The following CADPS variants were observed in gnomAD, a reference collection of about 807,000 sequenced individuals.
The protein encoded by CADPS is calcium-dependent secretion activator 1.
In CADPS, 57 loss-of-function variants were observed where a neutral mutation model predicts 167.3. The observed-to-expected ratio is 0.34, with a 90% CI of 0.28 to 0.42. The LOEUF is 0.42. CADPS is among the 20% of genes least tolerant of loss of function. The pLI is 1.00. For synonymous variants in CADPS, 676 were observed against 635.3 expected (o/e 1.06, Z -0.96); for missense variants, 1,414 against 1,738.1 (o/e 0.81, Z 3.32).
intron 1 of CADPS, among the ~76,000 whole-genome samples, chr3:62,806,104 C>A (rs911409060): frequency 6.6e-6 from 1 of 152,056 alleles, no homozygotes; most frequent in Non-Finnish European, 1.5e-5. Flanking sequence ...CTGTGTTCTG[C>A]CAGCTGTGTT....
At chr3:62,492,933 T>G (rs1482433918) in intron 19 of CADPS, among the ~76,000 whole-genome samples, 4 of 152,246 alleles carry the variant, frequency 2.6e-5, no homozygotes, top group African/African-American at 9.6e-5. Flanking sequence ...GAACTCATGT[T>G]TCCCTACACA....
At chr3:62,442,486 T>C (rs1215980803) in intron 27 of CADPS, among the ~76,000 whole-genome samples, 1 of 152,170 alleles carries the variant, frequency 6.6e-6, no homozygotes, top group Non-Finnish European at 1.5e-5. Context: ...CCCAAAGTGC[T>C]GGTATTATAG....
At chr3:62,836,606 C>T (rs545057952) in intron 1 of CADPS, among the ~76,000 whole-genome samples, 3 of 152,252 alleles carry the variant, frequency 2.0e-5, no homozygotes, top group South Asian at 2.1e-4. Flanking sequence ...ATGTGCATCT[C>T]TTGAGCCACA....
chr3:62,405,534 A>C (rs186529978), intron 28 of CADPS, among the ~76,000 whole-genome samples: 1 of 151,956 alleles, frequency 6.6e-6, no homozygotes, highest in Non-Finnish European at 1.5e-5. Flanking sequence ...AATGGCTTCT[A>C]GTAGTAAAAA....
In CADPS at chr3:62,536,558, C is replaced by T; in HGVS notation, c.1990G>A (p.Gly664Ser). Residue 664 changes from glycine to serine, a missense_variant, in exon 12 of 30, where the codon GGC becomes AGC. By Grantham distance (56) the Gly-to-Ser change is moderately conservative. Around this residue, in one of 6 missense-constraint regions of CADPS, gnomAD observed 529 missense variants for 629.6 expected, o/e 0.84. Transcript: ENST00000383710. ...QFYADRAQKH[G>S]MDEFISSNPC... ...TTGGAAGAGATAAATTCATCCATGC[C>T]ATGTTTTTGAGCTCTATCTGCGTCT... 6.2e-7 allele frequency: 1 copy of T among 1,613,334 alleles called. No homozygotes were observed. Among genetic ancestry groups the T allele is most frequent in the Non-Finnish European group, 8.5e-7 (1 of 1,179,464 alleles).
chr3:62,754,708 T>C (rs2083466131), intron 2 of CADPS, among the ~76,000 whole-genome samples: 1 of 152,180 alleles, frequency 6.6e-6, no homozygotes. Context: ...TAGGCCAGTA[T>C]GTATTTTAAA....
intron 3 of CADPS, among the ~76,000 whole-genome samples, chr3:62,729,573 AAGCAT>A (rs2077367296): frequency 6.6e-6 from 1 of 151,948 alleles, no homozygotes. Context: ...CAAGTTACTT[AAGCAT>A]TTTGCATCTC....
At chr3:62,567,564 CTTTTTTTT>C (rs10561022) in intron 9 of CADPS, among the ~76,000 whole-genome samples, 5 of 33,818 alleles carry the variant, frequency 1.5e-4, no homozygotes, top group Non-Finnish European at 2.1e-4. Context: ...CTAAGCACTG[CTTTTTTTT>C]TTTTTTTTTT....
At chr3:62,605,703 A>T (rs1301645830) in intron 6 of CADPS, among the ~76,000 whole-genome samples, 1 of 152,108 alleles carries the variant, frequency 6.6e-6, no homozygotes, top group Non-Finnish European at 1.5e-5. Flanking sequence ...TAAAATGGAG[A>T]TGTCTATAGT....
chr3:62,689,248 C>G (rs2078647539), intron 3 of CADPS, among the ~76,000 whole-genome samples: 1 of 152,020 alleles, frequency 6.6e-6, no homozygotes, highest in Non-Finnish European at 1.5e-5. Context: ...AAATGCATTC[C>G]TCCATTCCAT....
intron 3 of CADPS, among the ~76,000 whole-genome samples, chr3:62,742,289 C>A (rs546391314): frequency 2.0e-5 from 3 of 151,794 alleles, no homozygotes; most frequent in African/African-American, 7.3e-5. Flanking sequence ...AAAATTCATA[C>A]GGAATCAAAA....
At chr3:62,650,224 G>A (rs2069740702) in intron 5 of CADPS, among the ~76,000 whole-genome samples, 1 of 152,092 alleles carries the variant, frequency 6.6e-6, no homozygotes, top group African/African-American at 2.4e-5. Flanking sequence ...AGATCTGGGT[G>A]GTACCCAGGA....
At chr3:62,428,914 C>CTAGCA (rs2053352042) in intron 28 of CADPS, among the ~76,000 whole-genome samples, 1 of 152,172 alleles carries the variant, frequency 6.6e-6, no homozygotes, top group South Asian at 2.1e-4. Context: ...AATACACAGA[C>CTAGCA]TAGCACTCTA....
chr3:62,794,963 G>A (rs1222355756), intron 1 of CADPS, among the ~76,000 whole-genome samples: 1 of 151,974 alleles, frequency 6.6e-6, no homozygotes, highest in Non-Finnish European at 1.5e-5. Context: ...CTCTTTGCCA[G>A]AGCGCTATGG....
At chr3:62,821,427 C>T (rs564150973) in intron 1 of CADPS, among the ~76,000 whole-genome samples, 54 of 152,258 alleles carry the variant, frequency 3.5e-4, no homozygotes, top group Admixed American at 1.4e-3. Flanking sequence ...TTGGCAGGTA[C>T]AAGCTTCCTC....
intron 6 of CADPS, among the ~76,000 whole-genome samples, chr3:62,631,894 G>A (rs556133044): frequency 6.6e-6 from 1 of 152,194 alleles, no homozygotes; most frequent in Admixed American, 6.5e-5. Context: ...GTGACCTTCA[G>A]CCATTCACTT....
chr3:62,743,647 T>C (rs1228038070), intron 3 of CADPS, among the ~76,000 whole-genome samples: 1 of 152,118 alleles, frequency 6.6e-6, no homozygotes, highest in African/African-American at 2.4e-5. Context: ...CCTTCAACCA[T>C]CCTCTGAAGA....
intron 1 of CADPS, among the ~76,000 whole-genome samples, chr3:62,822,393 T>C (rs1431602645): frequency 6.6e-6 from 1 of 152,186 alleles, no homozygotes; most frequent in East Asian, 1.9e-4. Context: ...TGCATGTTAT[T>C]CACAGCTGGT....
Position 62,410,244 on chromosome 3 carries a change from C to T in CADPS, c.3778-7059G>A, listed in dbSNP as rs538089748. Among the ~76,000 whole-genome samples the T allele has an allele frequency of 2.1e-4, 32 of 152,334 alleles. No individual in the cohort carries two copies. In the South Asian group the frequency reaches 4.8e-3, roughly 23 times the overall value. On this transcript the variant is annotated intron_variant, in intron 28 of 29. Transcript: ENST00000383710. ...ACTTGTGACTCAGTCCAATATATCTCCATCCTGAGTGATAGTTGAAATCCA... is the reference window on the plus strand; with the variant it reads ...ACTTGTGACTCAGTCCAATATATCTTCATCCTGAGTGATAGTTGAAATCCA...
Sources: gnomAD v4.1 joint callset for allele counts (sites outside exome capture counted in the v4.1 genomes callset) on GRCh38, gnomAD v4.1.1 for gene constraint, gnomAD v4.1.1 regional missense constraint, MANE v1.5 for transcripts, NCBI Gene and HGNC (gene_info 2026-07-23, HGNC 2026-07-21) for gene names.